The following ZNF66 variants were observed in gnomAD, a reference collection of about 807,000 sequenced individuals.
ZNF66 encodes zinc finger protein 66.
A neutral mutation model predicts 35.2 loss-of-function variants in ZNF66; 32 were observed. That is an observed-to-expected ratio of 0.91 (90% CI 0.69 to 1.22). ZNF66 has a LOEUF of 1.22. Ranked by LOEUF, ZNF66 falls within the 50% of genes most tolerant of loss-of-function variation. The pLI is 0.00. For synonymous variants in ZNF66, 231 were observed against 181.3 expected (o/e 1.27, Z -2.20); for missense variants, 666 against 543.1 (o/e 1.23, Z -2.25).
chr19:20,779,985 C>T (rs1482564801), intron 1 of ZNF66, among the ~76,000 whole-genome samples: 7 of 151,252 alleles, frequency 4.6e-5, no homozygotes, highest in Admixed American at 1.3e-4. Flanking sequence ...GTGATGGGCA[C>T]CTGTAATCCC....
chr19:20,808,285 G>A lies in ZNF66; in HGVS notation c.*963G>A, dbSNP rs539288273. On this transcript the variant is annotated 3_prime_UTR_variant, in exon 4 of 4. Coordinates refer to ENST00000344519, the MANE Select transcript of ZNF66 (RefSeq NM_001355197.2). ...GCTCCACCTCTGGGGTCAGGGCACA[G>A]ACAAAAAGACAGCAGTAACCTCTGC... Among the ~76,000 whole-genome samples the A allele has an allele frequency of 1.3e-5, 2 of 152,212 alleles. No homozygotes were observed. The highest frequency in any genetic ancestry group is 2.9e-5 in the Non-Finnish European group (2 of 68,036).
chr19:20,777,739 C>T (rs1373244490), intron 1 of ZNF66, among the ~76,000 whole-genome samples: 7 of 152,080 alleles, frequency 4.6e-5, no homozygotes, highest in Admixed American at 3.9e-4. Context: ...GATTCTCCTG[C>T]TTCAGCCTCT....
chr19:20,807,251 A>C lies in ZNF66; in HGVS notation c.1651A>C (p.Asn551His). Residue 551 changes from asparagine to histidine, a missense_variant, in exon 4 of 4, where the codon AAC (asparagine) becomes CAC (histidine). Physicochemically the swap from Asn to His is moderately conservative, Grantham distance 68. Coordinates refer to ENST00000344519, the MANE Select transcript of ZNF66 (RefSeq NM_001355197.2). The stretch of plus-strand genomic sequence containing the variant: ...TGGCAAAGCCTTTATTTCATCCTCA[A>C]ACCTTAGTAGACATGAGATAATTCA... ...KCGKAFISSS[N>H]LSRHEIIHMG... 1.4e-6 allele frequency: 1 copy of C among 706,998 alleles called. No homozygotes were observed. The highest frequency in any genetic ancestry group is 2.5e-6 in the Non-Finnish European group (1 of 396,796). The allele number at this position is 706,998 out of a possible 1,614,324, so 43.8% of individuals were successfully genotyped here.
chr19:20,798,359 G>C (rs1971415019), intron 3 of ZNF66, among the ~76,000 whole-genome samples: 1 of 151,968 alleles, frequency 6.6e-6, no homozygotes, highest in Non-Finnish European at 1.5e-5. Flanking sequence ...AGGATTTTGG[G>C]AGGCCAAGAC....
chr19:20,780,392 T>C lies in ZNF66; in HGVS notation c.3+3942T>C, dbSNP rs575633444. Among the ~76,000 whole-genome samples the C allele has an allele frequency of 7.2e-5, 11 of 152,336 alleles. No individual in the cohort carries two copies. The South Asian group carries it at 1.2e-3, about 17-fold the overall frequency. ...GGCTTTTCCTGGGCTGCGTCTCACA[T>C]ATTAAACTGGTAAACATAACTACAG... On this transcript the variant is annotated intron_variant, in intron 1 of 3. Transcript: ENST00000344519.
chr19:20,802,027 T>A (rs1971452632), intron 3 of ZNF66, among the ~76,000 whole-genome samples: 1 of 125,246 alleles, frequency 8.0e-6, no homozygotes, highest in Non-Finnish European at 1.8e-5. Flanking sequence ...TTAGTAACAA[T>A]GCAGTAATTA....
rs939844468 is a variant in ZNF66, at chr19:20,806,693, G to A, written c.1093G>A (p.Gly365Arg). ...TLTKHKIIHT[G>R]EKPYKCEECG... ...TACTAAACATAAAATAATCCATACT[G>A]GAGAGAAACCCTACAAATGTGAAGA... Residue 365 changes from glycine to arginine, a missense_variant, in exon 4 of 4, where the codon GGA becomes AGA. Physicochemically the swap from Gly to Arg is moderately radical, Grantham distance 125. Coordinates refer to ENST00000344519, the MANE Select transcript of ZNF66 (RefSeq NM_001355197.2). 8.1e-6 allele frequency: 12 copies of A among 1,473,600 alleles called. No homozygotes were observed. The African/African-American group carries it at 1.7e-4, about 20-fold the overall frequency. The allele number at this position is 1,473,600 out of a possible 1,614,324, so 91.3% of individuals were successfully genotyped here.
At chr19:20,805,104 CATTT>C (rs370670398) in intron 3 of ZNF66, among the ~76,000 whole-genome samples, 2 of 115,962 alleles carry the variant, frequency 1.7e-5, no homozygotes, top group African/African-American at 7.1e-5. Flanking sequence ...TGGCAATTTA[CATTT>C]GTGTGTGTGT....
chr19:20,803,586 T>C (rs1334222392), intron 3 of ZNF66, among the ~76,000 whole-genome samples: 1 of 152,108 alleles, frequency 6.6e-6, no homozygotes, highest in Non-Finnish European at 1.5e-5. Context: ...GTTTTTATCT[T>C]TTAAATTTTA....
intron 3 of ZNF66, among the ~76,000 whole-genome samples, chr19:20,796,474 T>G (rs1971393636): frequency 1.3e-5 from 2 of 152,212 alleles, no homozygotes; most frequent in Non-Finnish European, 2.9e-5. Context: ...AAAAAGGAAT[T>G]AAAGGATTTT....
At chr19:20,791,333 C>T (rs1393289915) in intron 1 of ZNF66, among the ~76,000 whole-genome samples, 1 of 151,750 alleles carries the variant, frequency 6.6e-6, no homozygotes, top group Non-Finnish European at 1.5e-5. Flanking sequence ...AAAAATATAA[C>T]AATTAGCCTG....
intron 3 of ZNF66, among the ~76,000 whole-genome samples, chr19:20,800,208 G>T (rs539022602): frequency 5.3e-5 from 8 of 152,196 alleles, no homozygotes; most frequent in Middle Eastern, 3.4e-3. Flanking sequence ...ATAGTGTTAG[G>T]ATCTCACTAT....
chr19:20,782,930 CTG>C (rs1430894984), intron 1 of ZNF66, among the ~76,000 whole-genome samples: 1 of 152,070 alleles, frequency 6.6e-6, no homozygotes, highest in African/African-American at 2.4e-5. Flanking sequence ...TTGCCAGTTT[CTG>C]TGTCTAGAAT....
chr19:20,776,930 A>C lies in ZNF66; in HGVS notation c.3+480A>C, dbSNP rs543259851. On this transcript the variant is annotated intron_variant, in intron 1 of 3. Coordinates refer to ENST00000344519, the MANE Select transcript of ZNF66 (RefSeq NM_001355197.2). Reference sequence around the variant, plus strand: ...AGGAGTTGAAGACCAGACTGACCAAAATGGGGAAACCCCTTGTCTACTAAA... The same window carrying C: ...AGGAGTTGAAGACCAGACTGACCAACATGGGGAAACCCCTTGTCTACTAAA... Among the ~76,000 whole-genome samples the C allele has an allele frequency of 5.3e-4, 80 of 152,060 alleles. 1 individual carries two copies. The highest frequency in any genetic ancestry group is 1.9e-3 in the African/African-American group (79 of 41,466).
At chr19:20,784,456 C>T (rs1971269945) in intron 1 of ZNF66, 3 of 152,048 alleles carry the variant, frequency 2.0e-5, no homozygotes, top group South Asian at 2.1e-4. Flanking sequence ...TTTTATTTCA[C>T]TAAATTGGTA....
Position 20,809,706 on chromosome 19 carries a change from A to G in ZNF66, c.*2384A>G, listed in dbSNP as rs1339536919. The stretch of plus-strand genomic sequence containing the variant: ...CACTAAACATGGAAAGGAACAACTG[A>G]TACCAGCCGCTGCAAAATCATGCCA... On this transcript the variant is annotated 3_prime_UTR_variant, in exon 4 of 4. Coordinates refer to ENST00000344519, the MANE Select transcript of ZNF66 (RefSeq NM_001355197.2). Among the ~76,000 whole-genome samples the G allele has an allele frequency of 6.6e-6, 1 of 152,060 alleles. No individual in the cohort carries two copies. Among genetic ancestry groups the G allele is most frequent in the African/African-American group, 2.4e-5 (1 of 41,402 alleles).
At position 20,793,835 on chromosome 19, in the gene ZNF66, A is replaced by G. The variant is rs754940949; in HGVS notation, c.183A>G (p.Lys61=). The G allele has an allele frequency of 3.4e-6, 4 of 1,172,842 alleles. No homozygotes were observed. Among genetic ancestry groups the G allele is most frequent in the Non-Finnish European group, 4.8e-6 (4 of 834,480 alleles). The allele number at this position is 1,172,842 out of a possible 1,614,324, so 72.7% of individuals were successfully genotyped here. The part of the protein sequence containing the change: ...DLITHLEQGK[K]PSTMQRHEMV... Reference sequence around the variant, plus strand: ...TCACCCATCTGGAGCAAGGAAAAAAACCTTCGACTATGCAGAGACATGAGA... The same window carrying G: ...TCACCCATCTGGAGCAAGGAAAAAAGCCTTCGACTATGCAGAGACATGAGA... The change falls in exon 3 of 4, where the codon AAA becomes AAG. Residue 61 remains lysine (K), a synonymous_variant. Coordinates refer to ENST00000344519, the MANE Select transcript of ZNF66 (RefSeq NM_001355197.2).
chr19:20,809,505 A>C lies in ZNF66; in HGVS notation c.*2183A>C, dbSNP rs1367396504. 6.6e-6 allele frequency among the ~76,000 whole-genome samples: 1 copy of C among 152,202 alleles called. No homozygotes were observed. The highest frequency in any genetic ancestry group is 2.4e-5 in the African/African-American group (1 of 41,454). On this transcript the variant is annotated 3_prime_UTR_variant, in exon 4 of 4. Coordinates refer to ENST00000344519, the MANE Select transcript of ZNF66 (RefSeq NM_001355197.2). The stretch of plus-strand genomic sequence containing the variant: ...TCTTGGCAGAAACTCTATAAGCCAG[A>C]AGAGAGTGGGGGCCAATATTCAACA...
intron 3 of ZNF66, among the ~76,000 whole-genome samples, chr19:20,805,186 A>G (rs894959352): frequency 2.6e-5 from 4 of 151,690 alleles, no homozygotes; most frequent in Non-Finnish European, 5.9e-5. Context: ...GTTCAGAGGC[A>G]TGATCTTGGT....
Sources: gnomAD v4.1 joint callset for allele counts (sites outside exome capture counted in the v4.1 genomes callset) on GRCh38, gnomAD v4.1.1 for gene constraint, MANE v1.5 for transcripts, NCBI Gene and HGNC (gene_info 2026-07-23, HGNC 2026-07-21) for gene names.